The following AGBL1 variants were observed in gnomAD, a reference collection of about 807,000 sequenced individuals.
AGBL1 encodes the protein AGBL carboxypeptidase 1.
A neutral mutation model predicts 118.9 loss-of-function variants in AGBL1; 130 were observed. The ratio of observed to expected loss-of-function variants is 1.09; its 90% CI spans 0.95 to 1.26. The LOEUF (loss-of-function observed/expected upper bound fraction) is 1.26, where lower values mean the gene tolerates loss of function less well. Ranked by LOEUF, AGBL1 falls within the 50% of genes most tolerant of loss-of-function variation. AGBL1 has a pLI of 0.00. For synonymous variants in AGBL1, 555 were observed against 478.9 expected, an observed-to-expected ratio of 1.16 and a Z score of -2.08; for missense variants, 1,584 against 1,298.1, an observed-to-expected ratio of 1.22 and a Z score of -3.38.
chr15:86,710,216 A>G (rs1015545324), intron 22 of AGBL1, among the ~76,000 whole-genome samples: 1 of 152,204 alleles, frequency 6.6e-6, no homozygotes, highest in East Asian at 1.9e-4. Context: ...ATGCATTACA[A>G]TGCTTTGGGA....
At chr15:86,934,694 T>TAC (rs1421085483) in intron 23 of AGBL1, among the ~76,000 whole-genome samples, 1 of 79,306 alleles carries the variant, frequency 1.3e-5, no homozygotes, top group African/African-American at 3.4e-5. Flanking sequence ...GTTAATACAG[T>TAC]ACTTCAACAG....
At chr15:86,746,375 T>G (rs551637474) in intron 22 of AGBL1, among the ~76,000 whole-genome samples, 8 of 152,236 alleles carry the variant, frequency 5.3e-5, no homozygotes, top group African/African-American at 1.9e-4. Context: ...TCTTTGTATG[T>G]CTGGCCCAAG....
At chr15:86,464,427 T>G (rs1041820595) in intron 18 of AGBL1, among the ~76,000 whole-genome samples, 40 of 152,214 alleles carry the variant, frequency 2.6e-4, no homozygotes, top group Non-Finnish European at 2.9e-5. Context: ...TGAATACCCC[T>G]TATTTCTTTC....
At chr15:86,780,441 C>T (rs1596474591) in intron 22 of AGBL1, among the ~76,000 whole-genome samples, 2 of 152,034 alleles carry the variant, frequency 1.3e-5, no homozygotes, top group Non-Finnish European at 2.9e-5. Flanking sequence ...TATTACTTTG[C>T]CTTTTCTTGG....
At chr15:86,411,847 T>A (rs2081625406) in intron 18 of AGBL1, among the ~76,000 whole-genome samples, 1 of 152,180 alleles carries the variant, frequency 6.6e-6, no homozygotes, top group South Asian at 2.1e-4. Context: ...GAAGGGGACA[T>A]AGCAGGGTAG....
intron 7 of AGBL1, among the ~76,000 whole-genome samples, chr15:86,249,105 C>G (rs1394214470): frequency 1.3e-5 from 2 of 152,126 alleles, no homozygotes; most frequent in Non-Finnish European, 2.9e-5. Flanking sequence ...AATTGAAATC[C>G]TATAGTTTGA....
intron 18 of AGBL1, among the ~76,000 whole-genome samples, chr15:86,399,871 T>C (rs1198003420): frequency 6.6e-6 from 1 of 152,204 alleles, no homozygotes; most frequent in Non-Finnish European, 1.5e-5. Context: ...TACCTTTTCA[T>C]TTATATAGCA....
At chr15:86,334,612 C>T (rs1196056517) in intron 17 of AGBL1, among the ~76,000 whole-genome samples, 1 of 152,020 alleles carries the variant, frequency 6.6e-6, no homozygotes, top group East Asian at 1.9e-4. Context: ...CTATGCTATT[C>T]CTATCAAACT....
chr15:86,546,147 G>A lies in AGBL1; in HGVS notation c.2817+14G>A. ...GTCAACTACAGGGTAAGCCGCTGTGGGGAATGACATCAGACATGCTGTGTT... is the reference window on the plus strand; with the variant it reads ...GTCAACTACAGGGTAAGCCGCTGTGAGGAATGACATCAGACATGCTGTGTT... On this transcript the variant is annotated intron_variant, in intron 20 of 22. Transcript: ENST00000614907. The A allele has an allele frequency of 6.2e-7, 1 of 1,607,544 alleles. No homozygotes were observed. Among genetic ancestry groups the A allele is most frequent in the Non-Finnish European group, 8.5e-7 (1 of 1,175,302 alleles).
Position 86,915,647 on chromosome 15 carries a change from C to G in AGBL1, c.*8353C>G, listed in dbSNP as rs143737430. On this transcript the variant is annotated 3_prime_UTR_variant, in exon 23 of 23. Transcript: ENST00000614907. The stretch of plus-strand genomic sequence containing the variant: ...TGCTGTCCCCTCTTCACCTCCCCCC[C>G]ACCGCCCCACTGCACCAAGACTGTA... 1.3e-5 allele frequency: 2 copies of G among 152,308 alleles called. No individual in the cohort carries two copies. Among genetic ancestry groups the G allele is most frequent in the South Asian group, 2.1e-4 (1 of 4,816 alleles). The allele number at this position is 152,308 out of a possible 1,614,324, so 9.4% of individuals were successfully genotyped here. A position where few individuals can be genotyped will look rare whatever the true frequency, so the allele number is the denominator to read the frequency against.
At chr15:86,764,292 T>C (rs1017902509) in intron 22 of AGBL1, among the ~76,000 whole-genome samples, 1 of 151,974 alleles carries the variant, frequency 6.6e-6, no homozygotes. Context: ...GGTGATACAA[T>C]GTAAGCTGTA....
chr15:86,790,371 T>C (rs370105602), intron 22 of AGBL1, among the ~76,000 whole-genome samples: 1 of 150,046 alleles, frequency 6.7e-6, no homozygotes, highest in East Asian at 2.0e-4. Context: ...CACACACGCA[T>C]GCACGCACGC....
intron 22 of AGBL1, among the ~76,000 whole-genome samples, chr15:86,884,996 A>T (rs1045259173): frequency 6.6e-6 from 1 of 152,208 alleles, no homozygotes; most frequent in Non-Finnish European, 1.5e-5. Context: ...ACCTAATAGA[A>T]CATATGCTAC....
chr15:86,654,241 C>A (rs191023680), intron 21 of AGBL1, among the ~76,000 whole-genome samples: 4 of 152,126 alleles, frequency 2.6e-5, no homozygotes, highest in Non-Finnish European at 5.9e-5. Flanking sequence ...TGTTTATAAT[C>A]TCTACTCCTC....
chr15:86,819,610 G>C (rs898670863), intron 22 of AGBL1, among the ~76,000 whole-genome samples: 1 of 152,046 alleles, frequency 6.6e-6, no homozygotes, highest in African/African-American at 2.4e-5. Flanking sequence ...TCTTCAAGGA[G>C]AACTACAAAC....
At chr15:86,704,882 C>T (rs951538410) in intron 22 of AGBL1, among the ~76,000 whole-genome samples, 5 of 152,182 alleles carry the variant, frequency 3.3e-5, no homozygotes. Flanking sequence ...GGAACCAACT[C>T]AGATGCCCAA....
At chr15:86,651,288 C>T (rs773222048) in intron 21 of AGBL1, among the ~76,000 whole-genome samples, 31 of 152,058 alleles carry the variant, frequency 2.0e-4, no homozygotes, top group Non-Finnish European at 2.9e-4. Flanking sequence ...TGCATAGAGG[C>T]CTCCAAGGGT....
intron 21 of AGBL1, among the ~76,000 whole-genome samples, chr15:86,598,156 T>C (rs1313324352): frequency 6.6e-6 from 1 of 152,110 alleles, no homozygotes; most frequent in Non-Finnish European, 1.5e-5. Context: ...TATTCACTGC[T>C]AGAGGATTGT....
chr15:86,639,411 C>T (rs1231375416), intron 21 of AGBL1, among the ~76,000 whole-genome samples: 2 of 152,134 alleles, frequency 1.3e-5, no homozygotes, highest in Non-Finnish European at 2.9e-5. Context: ...AACTCTGATC[C>T]AGGATTAGAT....
Sources: allele counts gnomAD v4.1 joint callset (sites outside exome capture counted in the v4.1 genomes callset), GRCh38; gene constraint gnomAD v4.1.1; transcripts MANE v1.5; gene names NCBI Gene and HGNC (gene_info 2026-07-23, HGNC 2026-07-21).